IFNAR1: variants seen among roughly 807,000 people sequenced by gnomAD.
IFNAR1 encodes interferon alpha and beta receptor subunit 1.
IFNAR1 carries 47 observed loss-of-function variants against 62.1 expected under a neutral mutation model. That is an observed-to-expected ratio of 0.76 (90% CI 0.60 to 0.97). The LOEUF (loss-of-function observed/expected upper bound fraction) is 0.97, where lower values mean the gene tolerates loss of function less well. Among genes scored for constraint, IFNAR1 ranks in the 50% least tolerant of loss-of-function variants. The pLI, the probability that IFNAR1 is intolerant of heterozygous loss-of-function variation, is 0.00. For missense variants in IFNAR1, 638 were observed against 654.5 expected, an observed-to-expected ratio of 0.97 and a Z score of 0.27; for synonymous variants, 219 against 226.9, an observed-to-expected ratio of 0.97 and a Z score of 0.31.
At chr21:33,334,986 A>C (rs992327042) in intron 1 of IFNAR1, 25 of 1,572,266 alleles carry the variant, frequency 1.6e-5, no homozygotes, top group Non-Finnish European at 2.0e-5. Context: ...GCTCAGAGGC[A>C]CTGCTTGGGC....
intron 6 of IFNAR1, among the ~76,000 whole-genome samples, chr21:33,346,335 G>GA (rs1168417379): frequency 1.3e-5 from 2 of 151,990 alleles, no homozygotes; most frequent in Non-Finnish European, 2.9e-5. Flanking sequence ...GAAAGAAACA[G>GA]AAAAAATGAG....
At chr21:33,330,339 T>C (rs1000828015) in intron 1 of IFNAR1, among the ~76,000 whole-genome samples, 2 of 152,028 alleles carry the variant, frequency 1.3e-5, no homozygotes, top group African/African-American at 4.8e-5. Context: ...GGGCTAGAAA[T>C]CTCCCTCTGC....
chr21:33,343,781 T>TA, intron 5 of IFNAR1, 105 bp downstream of exon 5: 1 of 681,758 alleles, frequency 1.5e-6, no homozygotes, highest in Non-Finnish European at 2.5e-6. Context: ...CAATATATGT[T>TA]AAAAACATTG....
intron 1 of IFNAR1, among the ~76,000 whole-genome samples, chr21:33,326,904 C>G (rs1351366215): frequency 6.6e-6 from 1 of 151,946 alleles, no homozygotes; most frequent in Non-Finnish European, 1.5e-5. Context: ...GCAACTATTA[C>G]AAGGTTGATA....
rs1462530406 is a variant in IFNAR1, at chr21:33,343,596, A to G, written c.593A>G (p.Tyr198Cys). ...TATAAACTCTCACCAGAGACTACTT[A>G]TTGTCTAAAAGTTAAAGCAGCACTA... Reference protein sequence around the residue: ...KIYKLSPETTYCLKVKAALLT... With the variant: ...KIYKLSPETTCCLKVKAALLT... The change falls in exon 5 of 11, where the codon TAT (tyrosine) becomes TGT (cysteine). Residue 198 changes from tyrosine to cysteine, a missense_variant. Physicochemically the swap from Tyr to Cys is radical, Grantham distance 194 (BLOSUM62 -2). Coordinates refer to ENST00000270139, the MANE Select transcript of IFNAR1 (RefSeq NM_000629.3). The G allele has an allele frequency of 6.3e-7, 1 of 1,576,990 alleles. No individual in the cohort carries two copies. Among genetic ancestry groups the G allele is most frequent in the East Asian group, 2.2e-5 (1 of 44,594 alleles).
At chr21:33,337,676 ATAATAC>A (rs1260281341) in intron 2 of IFNAR1, among the ~76,000 whole-genome samples, 3 of 45,416 alleles carry the variant, frequency 6.6e-5, no homozygotes, top group African/African-American at 3.2e-4. Flanking sequence ...TACACTATAT[ATAATAC>A]ATACTGTATA....
chr21:33,326,812 TAAAAG>T (rs1404835887), intron 1 of IFNAR1, among the ~76,000 whole-genome samples: 2 of 151,600 alleles, frequency 1.3e-5, no homozygotes, highest in Non-Finnish European at 2.9e-5. Context: ...ACAAAAATAA[TAAAAG>T]AAAAATACAA....
At chr21:33,341,302 C>G (rs1033449173) in intron 3 of IFNAR1, 128 bp downstream of exon 3, 4 of 636,686 alleles carry the variant, frequency 6.3e-6, no homozygotes, top group Non-Finnish European at 1.0e-5. Flanking sequence ...TTCCCTTAAA[C>G]CTATATCTTC....
chr21:33,339,216 G>A (rs1324458593), intron 2 of IFNAR1, among the ~76,000 whole-genome samples: 7 of 152,134 alleles, frequency 4.6e-5, no homozygotes, highest in Admixed American at 3.9e-4. Flanking sequence ...AAGGTTTTCT[G>A]TTTATAATGA....
At chr21:33,341,223 G>C in intron 3 of IFNAR1, 49 bp downstream of exon 3, 1 of 1,412,714 alleles carries the variant, frequency 7.1e-7, no homozygotes, top group Non-Finnish European at 9.8e-7. Flanking sequence ...AATATTACCA[G>C]AGCAGTTCAC....
intron 1 of IFNAR1, chr21:33,335,007 TC>T (rs1429444076): frequency 1.3e-6 from 2 of 1,509,162 alleles, no homozygotes; most frequent in Admixed American, 1.7e-5. Context: ...AGGTGACTCT[TC>T]CTGGCACTGG....
chr21:33,327,655 A>G (rs956633555), intron 1 of IFNAR1, among the ~76,000 whole-genome samples: 2 of 152,218 alleles, frequency 1.3e-5, no homozygotes, highest in Non-Finnish European at 2.9e-5. Context: ...GTTAACTGTG[A>G]GCCCAAAAAT....
At chr21:33,345,420 C>A in intron 6 of IFNAR1, 60 bp downstream of exon 6, 1 of 906,544 alleles carries the variant, frequency 1.1e-6, no homozygotes, top group Non-Finnish European at 1.8e-6. Context: ...CTTCTTTTCG[C>A]TCTGCATCAG....
chr21:33,324,946 G>A, upstream of IFNAR1: 3 of 906,326 alleles, frequency 3.3e-6, no homozygotes, highest in Non-Finnish European at 5.2e-6. Context: ...AGAGCTAAGA[G>A]GGGCAGCGCG....
In IFNAR1 at chr21:33,359,714, A is replaced by G. The variant is rs1263121485; in HGVS notation, c.*4165A>G. The G allele has an allele frequency of 1.3e-5, 2 of 152,196 alleles. No individual in the cohort carries two copies. The highest frequency in any genetic ancestry group is 2.4e-5 in the African/African-American group (1 of 41,442). 9.4% of individuals were successfully genotyped at this position (152,196 alleles called of 1,614,324 possible). The stretch of plus-strand genomic sequence containing the variant: ...ACATTTCACTCGGAAATTGAATACA[A>G]TTTGTATTCAGGCTGGGAACCTGAA... On this transcript the variant is annotated 3_prime_UTR_variant, in exon 11 of 11. Transcript: ENST00000270139.
chr21:33,349,752 C>T (rs549344068), intron 8 of IFNAR1, among the ~76,000 whole-genome samples: 2 of 152,042 alleles, frequency 1.3e-5, no homozygotes, highest in South Asian at 2.1e-4. Flanking sequence ...TAGGGAGACC[C>T]TGTCTCAATA....
intron 6 of IFNAR1, among the ~76,000 whole-genome samples, chr21:33,348,833 T>C (rs2083373133): frequency 6.6e-6 from 1 of 152,018 alleles, no homozygotes; most frequent in Non-Finnish European, 1.5e-5. Context: ...TAAACCAGCT[T>C]GCAGCATTCC....
At chr21:33,335,782 AT>A in intron 2 of IFNAR1, 135 bp downstream of exon 2, 1 of 720,496 alleles carries the variant, frequency 1.4e-6, no homozygotes. Context: ...TTTACATAAT[AT>A]TTTTAACTTT....
intron 1 of IFNAR1, chr21:33,335,110 C>A: frequency 1.4e-6 from 1 of 723,956 alleles, no homozygotes; most frequent in South Asian, 1.4e-5. Context: ...TTTATTTGGA[C>A]GTAACACCAT....
Sources: gnomAD v4.1 joint callset for allele counts (sites outside exome capture counted in the v4.1 genomes callset) on GRCh38, gnomAD v4.1.1 for gene constraint, MANE v1.5 for transcripts, NCBI Gene and HGNC (gene_info 2026-07-23, HGNC 2026-07-21) for gene names.